FUNDC2: variants seen among roughly 807,000 people sequenced by gnomAD.
FUNDC2 encodes FUN14 domain-containing protein 2.
In FUNDC2, 4 loss-of-function variants were observed where a neutral mutation model predicts 15.6. The ratio of observed to expected loss-of-function variants is 0.26; its 90% CI spans 0.13 to 0.59. The LOEUF (loss-of-function observed/expected upper bound fraction) is 0.59, where lower values mean the gene tolerates loss of function less well. Ranked by LOEUF, FUNDC2 falls within the 20% of genes least tolerant of loss-of-function variation. FUNDC2 has a pLI of 0.90. For synonymous variants in FUNDC2, 44 were observed against 56.9 expected, an observed-to-expected ratio of 0.77 and a Z score of 1.02; for missense variants, 98 against 149.7, an observed-to-expected ratio of 0.65 and a Z score of 1.80.
intron 2 of FUNDC2, among the ~76,000 whole-genome samples, chrX:155,037,704 AAACTCCT>A (rs1332700115): frequency 9.3e-6 from 1 of 107,224 alleles, no homozygotes; most frequent in Non-Finnish European, 1.9e-5. Flanking sequence ...GGCTGGTCTC[AAACTCCT>A]GACCTCAAAT....
At chrX:155,044,531 T>C (rs1422525446) in intron 2 of FUNDC2, among the ~76,000 whole-genome samples, 1 of 111,701 alleles carries the variant, frequency 9.0e-6, no homozygotes, top group Admixed American at 9.5e-5. Flanking sequence ...AATAACCTGA[T>C]TTAAAAAATG....
chrX:155,033,234 T>A, intron 1 of FUNDC2, 169 bp from the exon 2 acceptor site: 1 of 414,724 alleles, frequency 2.4e-6, no homozygotes, highest in Admixed American at 4.1e-5. Flanking sequence ...GACATTAGTA[T>A]TTGCTGATTT....
chrX:155,027,280 C>T, intron 1 of FUNDC2: 1 of 305,740 alleles, frequency 3.3e-6, no homozygotes, highest in Middle Eastern at 1.0e-3. Flanking sequence ...CCTAACCACC[C>T]TGGGGTGTCG....
rs782034527 is a variant in FUNDC2 at position 155,033,348 on chromosome X, A to G, written c.134-55A>G. The G allele has an allele frequency of 2.2e-5, 20 of 902,341 alleles. No homozygotes were observed. In the African/African-American group the frequency reaches 3.5e-4, roughly 16 times the overall value. The allele number at this position is 902,341 out of a possible 1,213,427, so 74.4% of individuals were successfully genotyped here. On this transcript the variant is annotated intron_variant, in intron 1 of 4. Coordinates refer to ENST00000369498, the MANE Select transcript of FUNDC2 (RefSeq NM_023934.4). Reference sequence around the variant, plus strand: ...TATGTCTGTTTCTTTAAATATCTCAATCTAGTTAGGTATAAAAGTAAATAT... The same window carrying G: ...TATGTCTGTTTCTTTAAATATCTCAGTCTAGTTAGGTATAAAAGTAAATAT...
At chrX:155,048,867 G>A (rs1474683876) in intron 3 of FUNDC2, among the ~76,000 whole-genome samples, 1 of 112,080 alleles carries the variant, frequency 8.9e-6, no homozygotes, top group South Asian at 3.6e-4. Context: ...TGGATGATAC[G>A]ATTTTTAAAA....
chrX:155,051,825 T>C, intron 4 of FUNDC2, 24 bp downstream of exon 4: 1 of 1,205,337 alleles, frequency 8.3e-7, no homozygotes, highest in Non-Finnish European at 1.1e-6. Context: ...TGTTCACGTG[T>C]AGTGTGTGAA....
chrX:155,058,623 A>T lies in FUNDC2; in HGVS notation c.*3951A>T, dbSNP rs1216248903. The T allele has an allele frequency of 9.1e-6, 1 of 110,148 alleles. No individual in the cohort carries two copies. The highest frequency in any genetic ancestry group is 1.9e-5 in the Non-Finnish European group (1 of 52,794). The allele number at this position is 110,148 out of a possible 1,213,427, so 9.1% of individuals were successfully genotyped here. A position where few individuals can be genotyped will look rare whatever the true frequency, so the allele number is the denominator to read the frequency against. ...TATCAGCTTCATTTCTTTGTCATGAAATCTAGTATGATTTCTCAGAAATCA... is the reference window on the plus strand; with the variant it reads ...TATCAGCTTCATTTCTTTGTCATGATATCTAGTATGATTTCTCAGAAATCA... On this transcript the variant is annotated 3_prime_UTR_variant, in exon 5 of 5. Coordinates refer to ENST00000369498, the MANE Select transcript of FUNDC2 (RefSeq NM_023934.4).
chrX:155,033,854 G>T (rs895282212), intron 2 of FUNDC2, among the ~76,000 whole-genome samples: 1 of 112,188 alleles, frequency 8.9e-6, no homozygotes, highest in East Asian at 2.8e-4. Context: ...GCTCAGAAAG[G>T]TTAGTTTGCC....
chrX:155,057,233 G>C lies in FUNDC2; in HGVS notation c.*2561G>C, dbSNP rs2073909337. The C allele has an allele frequency of 8.9e-6, 1 of 111,863 alleles. No homozygotes were observed. The highest frequency in any genetic ancestry group is 1.9e-5 in the Non-Finnish European group (1 of 53,092). 9.2% of individuals were successfully genotyped at this position (111,863 alleles called of 1,213,427 possible). A position where few individuals can be genotyped will look rare whatever the true frequency, so the allele number is the denominator to read the frequency against. ...GAATCAAGGCCCTATTGTGCCAGCA[G>C]TTTTGTTTCAGGTGGTGAAGTGGGA... On this transcript the variant is annotated 3_prime_UTR_variant, in exon 5 of 5. Coordinates refer to ENST00000369498, the MANE Select transcript of FUNDC2 (RefSeq NM_023934.4).
In FUNDC2 at chrX:155,048,642, A is replaced by G. The variant is rs145846989; in HGVS notation, c.360+2058A>G. Among the ~76,000 whole-genome samples, 135 of 112,704 alleles carry G rather than the reference A, an allele frequency of 1.2e-3. No individual in the cohort carries two copies. The South Asian group carries it at 0.014, about 12-fold the overall frequency. ...AGATCAGACTTGTCAGTTATTTTCA[A>G]AAATCCTGTTGAAATTTTTATCGGA... On this transcript the variant is annotated intron_variant, in intron 3 of 4. Coordinates refer to ENST00000369498, the MANE Select transcript of FUNDC2 (RefSeq NM_023934.4).
In FUNDC2 at chrX:155,059,212, G is replaced by C. The variant is rs781794607; in HGVS notation, c.*4540G>C. ...AGGGCTTTAAAGCCTTTTATATTAA[G>C]TGCCATACAACTTCAGATGCCTTCT... On this transcript the variant is annotated 3_prime_UTR_variant, in exon 5 of 5. Transcript: ENST00000369498. 3.6e-5 allele frequency: 4 copies of C among 112,435 alleles called. No homozygotes were observed. Among genetic ancestry groups the C allele is most frequent in the Non-Finnish European group, 7.5e-5 (4 of 53,291 alleles). 9.3% of individuals were successfully genotyped at this position (112,435 alleles called of 1,213,427 possible).
intron 3 of FUNDC2, chrX:155,047,329 C>G (rs1557290113): frequency 2.9e-6 from 1 of 342,449 alleles, no homozygotes; most frequent in Admixed American, 3.1e-5. Flanking sequence ...TGAATCATGC[C>G]AGAGTCTCTG....
chrX:155,048,528 G>C (rs1178686739), intron 3 of FUNDC2, among the ~76,000 whole-genome samples: 1 of 112,247 alleles, frequency 8.9e-6, no homozygotes, highest in African/African-American at 3.2e-5. Flanking sequence ...CAGTACTAAA[G>C]CTTAATATTT....
rs1018046912 is a variant in FUNDC2 at position 155,060,109 on chromosome X, T to C, written c.*5437T>C. On this transcript the variant is annotated 3_prime_UTR_variant, in exon 5 of 5. Coordinates refer to ENST00000369498, the MANE Select transcript of FUNDC2 (RefSeq NM_023934.4). Reference sequence around the variant, plus strand: ...CAACAATGGACTAATACATATACTTTAGCATAAAAACATTTAAAAGAGTCT... The same window carrying C: ...CAACAATGGACTAATACATATACTTCAGCATAAAAACATTTAAAAGAGTCT... 7 of 112,203 alleles carry C rather than the reference T, an allele frequency of 6.2e-5. No individual in the cohort carries two copies. The highest frequency in any genetic ancestry group is 4.6e-3 in the Middle Eastern group (1 of 219). The allele number at this position is 112,203 out of a possible 1,213,427, so 9.2% of individuals were successfully genotyped here. A position where few individuals can be genotyped will look rare whatever the true frequency, so the allele number is the denominator to read the frequency against.
chrX:155,057,052 AGAAC>A lies in FUNDC2; in HGVS notation c.*2382_*2385del, dbSNP rs1569560305. ...AGGTTGGCCTCATCCTGCTAGTATG[AGAAC>A]GGCTGTGAGTTCTGCCCACGGTGTG... is the stretch of plus-strand genomic sequence containing the variant. On this transcript the variant is annotated 3_prime_UTR_variant, in exon 5 of 5. Transcript: ENST00000369498. The A allele has an allele frequency of 5.2e-5, 5 of 96,714 alleles. No homozygotes were observed. The highest frequency in any genetic ancestry group is 1.1e-4 in the Non-Finnish European group (5 of 44,831). 8.0% of individuals were successfully genotyped at this position (96,714 alleles called of 1,213,427 possible). A position where few individuals can be genotyped will look rare whatever the true frequency, so the allele number is the denominator to read the frequency against.
At chrX:155,037,590 T>C (rs1312436991) in intron 2 of FUNDC2, among the ~76,000 whole-genome samples, 1 of 110,711 alleles carries the variant, frequency 9.0e-6, no homozygotes, top group Non-Finnish European at 1.9e-5. Context: ...TTCAAGCAAT[T>C]CTCTCGCCTC....
rs1384824890 is a variant in FUNDC2 at position 155,054,666 on chromosome X, A to G, written c.564A>G (p.Ala188=). Residue 188 remains alanine (A), a synonymous_variant, in exon 5 of 5, where the codon GCA becomes GCG. Transcript: ENST00000369498. The part of the protein sequence containing the change: ...GFFGGFLLGM[A]S ...TCGGAGGCTTTCTGCTTGGCATGGC[A>G]TCCTAAGGAAGATGACCTCATGTTC... 1 of 1,205,200 alleles carries G rather than the reference A, an allele frequency of 8.3e-7. No homozygotes were observed. Among genetic ancestry groups the G allele is most frequent in the Non-Finnish European group, 1.1e-6 (1 of 891,331 alleles).
intron 2 of FUNDC2, among the ~76,000 whole-genome samples, chrX:155,042,056 G>A (rs1382919597): frequency 2.5e-5 from 2 of 79,701 alleles, no homozygotes; most frequent in African/African-American, 1.0e-4. Context: ...GCGACAGAGC[G>A]AGACTCCGTC....
At chrX:155,041,174 T>C (rs940873979) in intron 2 of FUNDC2, among the ~76,000 whole-genome samples, 3 of 111,682 alleles carry the variant, frequency 2.7e-5, no homozygotes, top group African/African-American at 6.5e-5. Flanking sequence ...GTTGTGTAAT[T>C]TTAGTGGTTG....
Sources: allele counts gnomAD v4.1 joint callset (sites outside exome capture counted in the v4.1 genomes callset), GRCh38; gene constraint gnomAD v4.1.1; transcripts MANE v1.5; gene names NCBI Gene and HGNC (gene_info 2026-07-23, HGNC 2026-07-21).